SLC22A24: variants seen among roughly 807,000 people sequenced by gnomAD.
SLC22A24 encodes the protein steroid transmembrane transporter SLC22A24.
SLC22A24 carries 53 observed loss-of-function variants against 49.8 expected under a neutral mutation model. That is an observed-to-expected ratio of 1.06 (90% CI 0.85 to 1.34). SLC22A24 has a LOEUF of 1.34. SLC22A24 is among the 40% of genes most tolerant of loss of function. SLC22A24 has a pLI of 0.00. For synonymous variants in SLC22A24, 302 were observed against 256.4 expected, an observed-to-expected ratio of 1.18 and a Z score of -1.70; for missense variants, 786 against 675.9, an observed-to-expected ratio of 1.16 and a Z score of -1.81.
At chr11:63,126,088 A>T (rs942512991) in intron 2 of SLC22A24, among the ~76,000 whole-genome samples, 2 of 151,780 alleles carry the variant, frequency 1.3e-5, no homozygotes, top group Admixed American at 6.6e-5. Context: ...GATTGCAAAA[A>T]TTTTCTCCCA....
chr11:63,119,074 T>G lies in SLC22A24; in HGVS notation c.668A>C (p.Glu223Ala). The G allele has an allele frequency of 6.5e-7, 1 of 1,547,162 alleles. No individual in the cohort carries two copies. ...AGATCGTGACCGGGGCAATGTCCACTCTAAGCCTGGAAGAAAACATATACA... is the reference window on the plus strand; with the variant it reads ...AGATCGTGACCGGGGCAATGTCCACGCTAAGCCTGGAAGAAAACATATACA... ...ILGNTFILSL[E>A]WTLPRSRSMT... Residue 223 changes from glutamate (E) to alanine (A), a missense_variant, in exon 4 of 10, where the codon GAG (glutamate) becomes GCG (alanine). Physicochemically the swap from Glu to Ala is moderately radical, Grantham distance 107. Coordinates refer to ENST00000612278, the MANE Select transcript of SLC22A24 (RefSeq NM_001136506.2).
rs913548653 is a variant in SLC22A24, at chr11:63,119,205, T to G, written c.637A>C (p.Ile213Leu). The G allele has an allele frequency of 6.5e-6, 10 of 1,545,418 alleles. No homozygotes were observed. The highest frequency in any genetic ancestry group is 7.9e-6 in the Non-Finnish European group (9 of 1,145,156). Reference sequence around the variant, plus strand: ...CTGAGAATAAAAGTGTTTCCCAAAATAGTCATGGTGGAGAACCCTGCCAAG... The same window carrying G: ...CTGAGAATAAAAGTGTTTCCCAAAAGAGTCATGGTGGAGAACCCTGCCAAG... ...RFLAGFSTMT[I>L]LGNTFILSLE... Residue 213 changes from isoleucine to leucine, a missense_variant, in exon 3 of 10, where the codon ATT becomes CTT. By Grantham distance (5) the Ile-to-Leu change is conservative. Transcript: ENST00000612278.
rs546463056 is a variant in SLC22A24, at chr11:63,134,667, G to T, written c.504C>A (p.Asp168Glu). 96 of 1,519,738 alleles carry T rather than the reference G, an allele frequency of 6.3e-5. No homozygotes were observed. Among genetic ancestry groups the T allele is most frequent in the Non-Finnish European group, 8.4e-5 (94 of 1,117,206 alleles). The allele number at this position is 1,519,738 out of a possible 1,614,324, so 94.1% of individuals were successfully genotyped here. Reference sequence around the variant, plus strand: ...AAAGAAAGTGAGATGACACTCACCTGTCTGAAAGATGGCCATATATTAGAC... The same window carrying T: ...AAAGAAAGTGAGATGACACTCACCTTTCTGAAAGATGGCCATATATTAGAC... ...LGGLIYGHLSDRVGRKIICKL... is the reference protein window; with the variant it reads ...LGGLIYGHLSERVGRKIICKL... Residue 168 changes from aspartate (D) to glutamate (E), a missense_variant and splice_region_variant, in exon 2 of 10, where the codon GAC (aspartate) becomes GAA (glutamate). Coordinates refer to ENST00000612278, the MANE Select transcript of SLC22A24 (RefSeq NM_001136506.2).
chr11:63,088,118 G>A (rs2086998429), intron 6 of SLC22A24, among the ~76,000 whole-genome samples: 2 of 152,118 alleles, frequency 1.3e-5, no homozygotes, highest in Admixed American at 6.5e-5. Context: ...TGACCCCCAC[G>A]CCTCCTGACA....
intron 2 of SLC22A24, among the ~76,000 whole-genome samples, chr11:63,125,864 A>G (rs2087286709): frequency 6.6e-6 from 1 of 152,098 alleles, no homozygotes; most frequent in South Asian, 2.1e-4. Context: ...CTGGTGTGAG[A>G]TGGTATCTCA....
At chr11:63,111,030 C>A (rs1231727277) in intron 4 of SLC22A24, among the ~76,000 whole-genome samples, 2 of 152,082 alleles carry the variant, frequency 1.3e-5, no homozygotes, top group Non-Finnish European at 2.9e-5. Flanking sequence ...CCCATCAATA[C>A]CTAATTTATT....
At chr11:63,118,007 C>T (rs2087223660) in intron 4 of SLC22A24, among the ~76,000 whole-genome samples, 1 of 152,158 alleles carries the variant, frequency 6.6e-6, no homozygotes, top group African/African-American at 2.4e-5. Context: ...GCTGTGACCT[C>T]AAAACATTTG....
At chr11:63,080,884 C>T (rs1471590267) in intron 9 of SLC22A24, 36 bp downstream of exon 9, 1 of 1,522,214 alleles carries the variant, frequency 6.6e-7, no homozygotes. Flanking sequence ...CACATAGCCA[C>T]TCCCCACTCA....
intron 4 of SLC22A24, among the ~76,000 whole-genome samples, chr11:63,111,472 C>G (rs2087164434): frequency 6.6e-6 from 1 of 151,996 alleles, no homozygotes; most frequent in Non-Finnish European, 1.5e-5. Context: ...GTGAATCCAT[C>G]TGGTCCTGGA....
chr11:63,143,441 C>T lies in SLC22A24; in HGVS notation c.339G>A (p.Thr113=), dbSNP rs766282862. The change falls in exon 1 of 10, where the codon ACG becomes ACA. Residue 113 remains threonine (T), a synonymous_variant. Coordinates refer to ENST00000612278, the MANE Select transcript of SLC22A24 (RefSeq NM_001136506.2). The stretch of plus-strand genomic sequence containing the variant: ...ACACCCAGCCATCCACACAGGGCTC[C>T]GTGTCTGGCTCATTTGTGTTGGGGA... ...GTFPNTNEPD[T]EPCVDGWVYD... The T allele has an allele frequency of 7.6e-6, 12 of 1,568,646 alleles. No homozygotes were observed. Among genetic ancestry groups the T allele is most frequent in the East Asian group, 2.3e-5 (1 of 42,878 alleles).
At chr11:63,142,120 C>G (rs2087419418) in intron 1 of SLC22A24, among the ~76,000 whole-genome samples, 1 of 152,116 alleles carries the variant, frequency 6.6e-6, no homozygotes, top group African/African-American at 2.4e-5. Flanking sequence ...TGTACTAAAA[C>G]TATAGATGAG....
intron 5 of SLC22A24, among the ~76,000 whole-genome samples, chr11:63,099,689 A>G (rs1365705154): frequency 6.6e-6 from 1 of 152,120 alleles, no homozygotes; most frequent in Non-Finnish European, 1.5e-5. Flanking sequence ...AATACTAGCA[A>G]GCCAATTTCA....
rs537287904 is a variant in SLC22A24, at chr11:63,123,363, CAGAGTTT to C, written c.507-4035_507-4029del. ...TCATATGGTGAGTTCCTGCTTTAGACAGAGTTTAATCTACTTGATATCACTGGTCTCT... is the reference window on the plus strand; with the variant it reads ...TCATATGGTGAGTTCCTGCTTTAGACAATCTACTTGATATCACTGGTCTCT... On this transcript the variant is annotated intron_variant, in intron 2 of 9. Transcript: ENST00000612278. Among the ~76,000 whole-genome samples, 4 of 152,294 alleles carry C rather than the reference CAGAGTTT, an allele frequency of 2.6e-5. No individual in the cohort carries two copies. The East Asian group carries it at 5.8e-4, about 22-fold the overall frequency.
intron 1 of SLC22A24, among the ~76,000 whole-genome samples, chr11:63,139,098 G>A (rs1191260682): frequency 6.6e-6 from 1 of 152,106 alleles, no homozygotes; most frequent in Non-Finnish European, 1.5e-5. Context: ...TATTTAAAAG[G>A]CCTTTATGTT....
chr11:63,136,688 G>A (rs575955634), intron 1 of SLC22A24, among the ~76,000 whole-genome samples: 4 of 152,328 alleles, frequency 2.6e-5, no homozygotes, highest in Non-Finnish European at 5.9e-5. Context: ...CAGTGGACAA[G>A]GTGTCTCACC....
At chr11:63,087,028 A>G (rs11231346) in intron 6 of SLC22A24, among the ~76,000 whole-genome samples, 85 of 63,406 alleles carry the variant, frequency 1.3e-3, no homozygotes, top group African/African-American at 1.9e-3. Flanking sequence ...GAGGGCGCAC[A>G]CACACACACA....
chr11:63,130,004 A>C (rs2087322114), intron 2 of SLC22A24, among the ~76,000 whole-genome samples: 1 of 152,192 alleles, frequency 6.6e-6, no homozygotes, highest in Non-Finnish European at 1.5e-5. Context: ...CAGAACTTCC[A>C]ACACTATGTT....
In SLC22A24 at chr11:63,104,299, C is replaced by T; in HGVS notation, c.831-1G>A. On this transcript the variant is annotated splice_acceptor_variant, in intron 4 of 9. Transcript: ENST00000612278. LOFTEE classifies it high-confidence loss of function. ...CCACCGAGCAGACTCCACCATCTTC[C>T]TGATGAAAGAAGACAACATAGGTAT... 1 of 1,547,790 alleles carries T rather than the reference C, an allele frequency of 6.5e-7. No individual in the cohort carries two copies. The highest frequency in any genetic ancestry group is 1.2e-5 in the South Asian group (1 of 83,412).
Position 63,123,993 on chromosome 11 carries a change from G to C in SLC22A24, c.507-4658C>G, listed in dbSNP as rs186521492. On this transcript the variant is annotated intron_variant, in intron 2 of 9. Coordinates refer to ENST00000612278, the MANE Select transcript of SLC22A24 (RefSeq NM_001136506.2). ...TTTACTGAGAGTAACTTGGGTGAAG[G>C]CACCACCAGATAGGAGTCAAGGAAG... Among the ~76,000 whole-genome samples the C allele has an allele frequency of 4.5e-4, 69 of 152,224 alleles. 1 individual carries two copies. The highest frequency in any genetic ancestry group is 8.5e-4 in the Non-Finnish European group (58 of 68,022).
Sources: gnomAD v4.1 joint callset for allele counts (sites outside exome capture counted in the v4.1 genomes callset) on GRCh38, gnomAD v4.1.1 for gene constraint, MANE v1.5 for transcripts, NCBI Gene and HGNC (gene_info 2026-07-23, HGNC 2026-07-21) for gene names.